Variants in GHR observed in about 807,000 individuals in gnomAD.
The protein encoded by GHR is GH receptor.
GHR carries 35 observed loss-of-function variants against 67.1 expected under a neutral mutation model. The ratio of observed to expected loss-of-function variants is 0.52; its 90% CI spans 0.40 to 0.69. The LOEUF is 0.69. GHR is among the 30% of genes least tolerant of loss of function. The probability of loss-of-function intolerance (pLI) is 0.00; values close to 1 mark genes in which losing one functional copy is unlikely to be tolerated. For missense variants in GHR, 792 were observed against 764.6 expected (o/e 1.04, Z -0.42); for synonymous variants, 272 against 269.1 (o/e 1.01, Z -0.10).
At chr5:42,556,945 T>C (rs566906304) in intron 1 of GHR, among the ~76,000 whole-genome samples, 1 of 152,348 alleles carries the variant, frequency 6.6e-6, no homozygotes, top group East Asian at 1.9e-4. Flanking sequence ...ACTCAGGTTC[T>C]TGTAACTCAG....
At chr5:42,493,882 G>A (rs570813117) in intron 1 of GHR, among the ~76,000 whole-genome samples, 4 of 152,270 alleles carry the variant, frequency 2.6e-5, no homozygotes, top group East Asian at 1.9e-4. Context: ...TTTGGCTGAG[G>A]TAGGTCTAGA....
intron 3 of GHR, among the ~76,000 whole-genome samples, chr5:42,648,121 T>C (rs1754836215): frequency 6.6e-6 from 1 of 152,148 alleles, no homozygotes. Context: ...CTCCACCACT[T>C]AAAAGCCATG....
chr5:42,653,736 A>G (rs1755117868), intron 3 of GHR, among the ~76,000 whole-genome samples: 1 of 152,102 alleles, frequency 6.6e-6, no homozygotes, highest in African/African-American at 2.4e-5. Flanking sequence ...CCATTGCTCT[A>G]GGGGGATATT....
chr5:42,552,424 C>G (rs942435638), intron 1 of GHR, among the ~76,000 whole-genome samples: 12 of 152,078 alleles, frequency 7.9e-5, no homozygotes, highest in Non-Finnish European at 1.6e-4. Context: ...CTGGTTTGAC[C>G]TGATGTTAAG....
At chr5:42,564,137 A>G (rs953160712) in intron 1 of GHR, among the ~76,000 whole-genome samples, 2 of 149,178 alleles carry the variant, frequency 1.3e-5, no homozygotes, top group Non-Finnish European at 3.0e-5. Flanking sequence ...AAAGTGTGAG[A>G]TTTATTTGAA....
At chr5:42,512,967 A>G (rs1456878778) in intron 1 of GHR, among the ~76,000 whole-genome samples, 1 of 152,140 alleles carries the variant, frequency 6.6e-6, no homozygotes, top group African/African-American at 2.4e-5. Context: ...TCCTGAACTT[A>G]TGGCTCTGGG....
intron 1 of GHR, among the ~76,000 whole-genome samples, chr5:42,506,707 C>G (rs996334422): frequency 2.6e-5 from 4 of 152,152 alleles, no homozygotes; most frequent in African/African-American, 9.7e-5. Flanking sequence ...GTCGACATCA[C>G]TAGTGACACT....
At chr5:42,621,303 A>G (rs1008688270) in intron 2 of GHR, among the ~76,000 whole-genome samples, 5 of 152,178 alleles carry the variant, frequency 3.3e-5, no homozygotes, top group Admixed American at 2.6e-4. Context: ...TGAAAACACC[A>G]CCACCAATGT....
At chr5:42,467,141 GA>G (rs1744767158) in intron 1 of GHR, 1 of 1,599,810 alleles carries the variant, frequency 6.3e-7, no homozygotes, top group Non-Finnish European at 8.6e-7. Flanking sequence ...ACAAAAGGAA[GA>G]TCTCCACTGT....
chr5:42,453,364 G>T (rs1744129700), intron 1 of GHR, among the ~76,000 whole-genome samples: 1 of 152,118 alleles, frequency 6.6e-6, no homozygotes, highest in African/African-American at 2.4e-5. Context: ...GGACAATTGG[G>T]GAGGTATCCC....
At chr5:42,533,396 T>A (rs1748067346) in intron 1 of GHR, among the ~76,000 whole-genome samples, 1 of 152,000 alleles carries the variant, frequency 6.6e-6, no homozygotes, top group African/African-American at 2.4e-5. Context: ...TTGAAAAGTT[T>A]GCTCCCTATC....
chr5:42,629,676 C>CT (rs1199927259), intron 3 of GHR, among the ~76,000 whole-genome samples: 2 of 130,520 alleles, frequency 1.5e-5, no homozygotes, highest in Non-Finnish European at 3.2e-5. Flanking sequence ...TGCAAGGCTG[C>CT]TTTTTTTTCT....
In GHR at chr5:42,720,507, C is replaced by G. The variant is rs17839375; in HGVS notation, c.*1083C>G. The G allele has an allele frequency of 9.2e-5, 14 of 152,202 alleles. No individual in the cohort carries two copies. The East Asian group carries it at 2.7e-3, about 29-fold the overall frequency. The allele number at this position is 152,202 out of a possible 1,614,324, so 9.4% of individuals were successfully genotyped here. On this transcript the variant is annotated 3_prime_UTR_variant, in exon 10 of 10. Coordinates refer to ENST00000230882, the MANE Select transcript of GHR (RefSeq NM_000163.5). ...TCTGTTCACACCCAACTTGGTTTTG[C>G]TACATAATTATCCAGGAAGGGAATA...
At chr5:42,689,305 C>T (rs543441412) in intron 4 of GHR, among the ~76,000 whole-genome samples, 1 of 152,236 alleles carries the variant, frequency 6.6e-6, no homozygotes, top group Admixed American at 6.5e-5. Flanking sequence ...AATTAAATGT[C>T]AGCTAGTAAT....
intron 2 of GHR, among the ~76,000 whole-genome samples, chr5:42,571,503 G>A (rs1035798186): frequency 3.3e-5 from 5 of 152,190 alleles, no homozygotes; most frequent in Admixed American, 2.0e-4. Context: ...ATATATGCAG[G>A]ATGAGTTGAG....
intron 1 of GHR, among the ~76,000 whole-genome samples, chr5:42,532,399 G>A (rs1469529287): frequency 1.3e-5 from 2 of 151,040 alleles, no homozygotes; most frequent in Admixed American, 6.6e-5. Flanking sequence ...GCATACAAAG[G>A]AGGCTACAAT....
chr5:42,435,127 T>C (rs1325207109), intron 1 of GHR, among the ~76,000 whole-genome samples: 2 of 152,200 alleles, frequency 1.3e-5, no homozygotes, highest in Non-Finnish European at 1.5e-5. Context: ...CCTTCACTTA[T>C]AAAAGACCCT....
intron 1 of GHR, among the ~76,000 whole-genome samples, chr5:42,443,537 A>G (rs112228405): frequency 6.6e-6 from 1 of 152,314 alleles, no homozygotes; most frequent in African/African-American, 2.4e-5. Context: ...ATTCAGGTAG[A>G]CATGGAGCAG....
chr5:42,490,040 G>T (rs543163570), intron 1 of GHR, among the ~76,000 whole-genome samples: 1 of 152,260 alleles, frequency 6.6e-6, no homozygotes, highest in South Asian at 2.1e-4. Flanking sequence ...TAAAAATTGG[G>T]CAAGTATTTG....
Sources: gnomAD v4.1 joint callset for allele counts (sites outside exome capture counted in the v4.1 genomes callset) on GRCh38, gnomAD v4.1.1 for gene constraint, MANE v1.5 for transcripts, NCBI Gene and HGNC (gene_info 2026-07-23, HGNC 2026-07-21) for gene names.